Variants in SYNPO observed in about 807,000 individuals in gnomAD.
The protein encoded by SYNPO is synaptopodin.
A neutral mutation model predicts 49.5 loss-of-function variants in SYNPO; 19 were observed. That is an observed-to-expected ratio of 0.38 (90% confidence interval 0.27 to 0.56). SYNPO has a LOEUF of 0.56. Among genes scored for constraint, SYNPO ranks in the 20% least tolerant of loss-of-function variants. SYNPO has a pLI of 0.68. For missense variants in SYNPO, 1,131 were observed against 1,248.3 expected (o/e 0.91, Z 1.42); for synonymous variants, 536 against 548.0 (o/e 0.98, Z 0.31).
upstream of SYNPO, among the ~76,000 whole-genome samples, chr5:150,597,987 C>T (rs1052667977): frequency 3.9e-5 from 6 of 152,118 alleles, no homozygotes; most frequent in African/African-American, 1.4e-4. Context: ...TAGGAAACCA[C>T]CCGGTTACCT....
chr5:150,602,807 C>A (rs866121421), intron 1 of SYNPO, among the ~76,000 whole-genome samples: 1 of 152,050 alleles, frequency 6.6e-6, no homozygotes, highest in Admixed American at 6.5e-5. Context: ...TCCCAGCGCG[C>A]TGGGATTACA....
At chr5:150,589,536 G>A in the SYNPO span, among the ~76,000 whole-genome samples, 3 of 152,140 alleles carry the variant, frequency 2.0e-5, no homozygotes, top group Non-Finnish European at 2.9e-5. Context: ...ATATCCTCAC[G>A]CATTCACCTT....
the SYNPO span, among the ~76,000 whole-genome samples, chr5:150,592,789 A>C: frequency 6.6e-5 from 10 of 152,280 alleles, no homozygotes; most frequent in Admixed American, 5.9e-4. Context: ...TGAGTGACTG[A>C]GTGTGTTTGC....
At chr5:150,603,966 G>T (rs1756622324) in intron 1 of SYNPO, among the ~76,000 whole-genome samples, 1 of 152,246 alleles carries the variant, frequency 6.6e-6, no homozygotes, top group South Asian at 2.1e-4. Context: ...GAGTTTTGGA[G>T]TTGGGCTTCC....
At chr5:150,602,171 G>C (rs555795924) in intron 1 of SYNPO, among the ~76,000 whole-genome samples, 40 of 152,322 alleles carry the variant, frequency 2.6e-4, no homozygotes, top group African/African-American at 8.9e-4. Flanking sequence ...AGAGGGCCTA[G>C]GTGACCTGAG....
intron 2 of SYNPO, among the ~76,000 whole-genome samples, chr5:150,626,884 C>T (rs1473732064): frequency 1.3e-5 from 2 of 152,160 alleles, no homozygotes; most frequent in African/African-American, 4.8e-5. Flanking sequence ...GTCCATGGAG[C>T]ACCTGGAGAG....
chr5:150,651,932 A>C lies in SYNPO; in HGVS notation c.2028+1629A>C, dbSNP rs979251348. 1.5e-5 allele frequency: 15 copies of C among 1,000,316 alleles called. No individual in the cohort carries two copies. In the East Asian group the frequency reaches 1.5e-3, roughly 97 times the overall value. The allele number at this position is 1,000,316 out of a possible 1,614,324, so 62.0% of individuals were successfully genotyped here. A position where few individuals can be genotyped will look rare whatever the true frequency, so the allele number is the denominator to read the frequency against. On this transcript the variant is annotated intron_variant, in intron 2 of 2. Coordinates refer to ENST00000307662, the MANE Select transcript of SYNPO (RefSeq NM_007286.6). ...ACACAAGTGGCAGGATTCAGATGGA[A>C]GCTTCGCAAGGCTGGGGGCCGAGGA...
At chr5:150,592,466 A>G in the SYNPO span, among the ~76,000 whole-genome samples, 2 of 149,442 alleles carry the variant, frequency 1.3e-5, no homozygotes, top group African/African-American at 5.1e-5. Context: ...GCCACCAAGA[A>G]AAAAAAATCT....
chr5:150,619,576 C>G (rs1387237623), intron 2 of SYNPO, among the ~76,000 whole-genome samples: 2 of 152,192 alleles, frequency 1.3e-5, no homozygotes, highest in Non-Finnish European at 2.9e-5. Flanking sequence ...ATCACCTCCA[C>G]AGCCAGCCCA....
rs903386789 is a variant in SYNPO at position 150,658,889 on chromosome 5, T to A, written c.*1802T>A. 3 of 152,340 alleles carry A rather than the reference T, an allele frequency of 2.0e-5. No homozygotes were observed. The highest frequency in any genetic ancestry group is 6.5e-5 in the Admixed American group (1 of 15,278). 9.4% of individuals were successfully genotyped at this position (152,340 alleles called of 1,614,324 possible). A position where few individuals can be genotyped will look rare whatever the true frequency, so the allele number is the denominator to read the frequency against. On this transcript the variant is annotated 3_prime_UTR_variant, in exon 3 of 3. Transcript: ENST00000307662. ...TTACTCAGTTAATGATGAGTGACTA[T>A]ATTTACCAAAGCCCCTACCTGCTGC...
intron 2 of SYNPO, among the ~76,000 whole-genome samples, chr5:150,627,333 G>A (rs545081103): frequency 3.3e-5 from 5 of 152,306 alleles, no homozygotes; most frequent in African/African-American, 1.2e-4. Flanking sequence ...GGGAAGGGTG[G>A]AGATGGGCCA....
intron 2 of SYNPO, among the ~76,000 whole-genome samples, chr5:150,619,523 C>T (rs777000528): frequency 6.6e-6 from 1 of 152,200 alleles, no homozygotes; most frequent in Admixed American, 6.5e-5. Context: ...CCTGCAGCGG[C>T]TGCTGTCTGC....
chr5:150,596,393 G>A (rs1756424924), upstream of SYNPO, among the ~76,000 whole-genome samples: 1 of 152,138 alleles, frequency 6.6e-6, no homozygotes, highest in South Asian at 2.1e-4. Flanking sequence ...AAGAAGGCTG[G>A]ACTCAGATAT....
chr5:150,647,817 G>A (rs967705689), intron 1 of SYNPO, 127 bp from the exon 2 acceptor site: 31 of 887,296 alleles, frequency 3.5e-5, no homozygotes, highest in Non-Finnish European at 4.9e-5. Context: ...AGTGAGTGAC[G>A]ATTAAATTCC....
chr5:150,617,124 T>A (rs1757002124), intron 1 of SYNPO, among the ~76,000 whole-genome samples: 1 of 152,216 alleles, frequency 6.6e-6, no homozygotes, highest in Non-Finnish European at 1.5e-5. Flanking sequence ...CATTTTTTCA[T>A]GTAATCCTCA....
intron 2 of SYNPO, among the ~76,000 whole-genome samples, chr5:150,624,076 A>T (rs2151377068): frequency 6.6e-6 from 1 of 152,286 alleles, no homozygotes; most frequent in Admixed American, 6.5e-5. Flanking sequence ...TCTGAATGGC[A>T]TTTTGCTCAG....
At chr5:150,646,194 G>T (rs1442067392) in intron 1 of SYNPO, among the ~76,000 whole-genome samples, 5 of 148,562 alleles carry the variant, frequency 3.4e-5, no homozygotes, top group Admixed American at 3.3e-4. Context: ...AAAAAAATTG[G>T]CTAAGTGTGG....
At chr5:150,635,737 A>G (rs1757694797), upstream of SYNPO, among the ~76,000 whole-genome samples, 1 of 152,182 alleles carries the variant, frequency 6.6e-6, no homozygotes, top group Non-Finnish European at 1.5e-5. Context: ...TGCTGGGATT[A>G]TAGGTGTGAG....
chr5:150,625,883 C>T (rs963401465), intron 2 of SYNPO, among the ~76,000 whole-genome samples: 8 of 152,228 alleles, frequency 5.3e-5, no homozygotes, highest in African/African-American at 1.9e-4. Context: ...TCCTGAATGG[C>T]AGGTGGCACT....
Sources: allele counts gnomAD v4.1 joint callset (sites outside exome capture counted in the v4.1 genomes callset), GRCh38; gene constraint gnomAD v4.1.1; transcripts MANE v1.5; gene names NCBI Gene and HGNC (gene_info 2026-07-23, HGNC 2026-07-21).